Variants in SMOC1 observed in about 807,000 individuals in gnomAD.
SMOC1 encodes SPARC-related modular calcium-binding protein 1.
A neutral mutation model predicts 56.3 loss-of-function variants in SMOC1; 22 were observed. The observed-to-expected ratio is 0.39, with a 90% CI of 0.28 to 0.56. The LOEUF (loss-of-function observed/expected upper bound fraction) is 0.56, where lower values mean the gene tolerates loss of function less well. SMOC1 is among the 20% of genes least tolerant of loss of function. SMOC1 has a pLI of 0.61. For missense variants in SMOC1, 509 were observed against 565.4 expected, an observed-to-expected ratio of 0.90 and a Z score of 1.01; for synonymous variants, 193 against 215.0, an observed-to-expected ratio of 0.90 and a Z score of 0.89.
chr14:70,001,536 C>T (rs1450435913), intron 7 of SMOC1, among the ~76,000 whole-genome samples: 1 of 152,006 alleles, frequency 6.6e-6, no homozygotes. Context: ...TTTAGTTTAC[C>T]TACAGACCTA....
intron 5 of SMOC1, among the ~76,000 whole-genome samples, chr14:69,984,243 C>T (rs1884281297): frequency 6.6e-6 from 1 of 152,174 alleles, no homozygotes; most frequent in Non-Finnish European, 1.5e-5. Flanking sequence ...ACCCCAAAGC[C>T]TCAACCTAAA....
chr14:69,927,030 G>A (rs1306492453), intron 1 of SMOC1, among the ~76,000 whole-genome samples: 36 of 152,170 alleles, frequency 2.4e-4, no homozygotes, highest in Admixed American at 2.0e-3. Context: ...GTCTTCACTC[G>A]CACTTCACTT....
chr14:69,991,559 G>A (rs1884570522), intron 5 of SMOC1, among the ~76,000 whole-genome samples: 1 of 152,176 alleles, frequency 6.6e-6, no homozygotes, highest in African/African-American at 2.4e-5. Context: ...GTCCTGGAAG[G>A]TAAATAAAGT....
chr14:69,917,794 T>C (rs1190907366), intron 1 of SMOC1, among the ~76,000 whole-genome samples: 1 of 152,214 alleles, frequency 6.6e-6, no homozygotes. Flanking sequence ...ATCTTTGGTG[T>C]CTTTCCAAAG....
chr14:70,030,096 A>G (rs1050568327), intron 11 of SMOC1, 146 bp from the exon 12 acceptor site: 2 of 1,212,998 alleles, frequency 1.6e-6, no homozygotes, highest in African/African-American at 3.0e-5. Flanking sequence ...ACCTAGCCTC[A>G]TAGAGGACAG....
intron 1 of SMOC1, among the ~76,000 whole-genome samples, chr14:69,943,230 G>A (rs1012486959): frequency 9.2e-5 from 14 of 152,152 alleles, no homozygotes; most frequent in South Asian, 4.1e-4. Context: ...AGGCTCTGTC[G>A]CAGAGGTGTG....
intron 1 of SMOC1, among the ~76,000 whole-genome samples, chr14:69,903,864 AT>A (rs1884334563): frequency 6.6e-6 from 1 of 151,326 alleles, no homozygotes; most frequent in Non-Finnish European, 1.5e-5. Context: ...ACCCTGCCAA[AT>A]CCCCCTCTGC....
intron 1 of SMOC1, among the ~76,000 whole-genome samples, chr14:69,917,840 C>T (rs1210701185): frequency 6.6e-6 from 1 of 152,070 alleles, no homozygotes; most frequent in Non-Finnish European, 1.5e-5. Flanking sequence ...AGTTTCTAGT[C>T]ACATAGTGGA....
chr14:70,017,505 C>T (rs1266026000), intron 10 of SMOC1, among the ~76,000 whole-genome samples: 1 of 152,244 alleles, frequency 6.6e-6, no homozygotes, highest in Non-Finnish European at 1.5e-5. Context: ...CTGATCCCTC[C>T]TTTATCCTCT....
Position 69,927,918 on chromosome 14 carries a change from G to A in SMOC1, c.100-24220G>A, listed in dbSNP as rs374648782. Reference sequence around the variant, plus strand: ...CGAGTTCCTTTGTGTCCTGTAACTTGAAGCTAAGAGGGACCCCTTGAGGAA... The same window carrying A: ...CGAGTTCCTTTGTGTCCTGTAACTTAAAGCTAAGAGGGACCCCTTGAGGAA... On this transcript the variant is annotated intron_variant, in intron 1 of 11. Coordinates refer to ENST00000361956, the MANE Select transcript of SMOC1 (RefSeq NM_001034852.3). Among the ~76,000 whole-genome samples, 51 of 152,276 alleles carry A rather than the reference G, an allele frequency of 3.3e-4. 1 individual carries two copies. The East Asian group carries it at 5.0e-3, about 15-fold the overall frequency.
intron 1 of SMOC1, among the ~76,000 whole-genome samples, chr14:69,893,871 G>T (rs1448326879): frequency 1.3e-5 from 2 of 152,086 alleles, no homozygotes; most frequent in African/African-American, 4.8e-5. Flanking sequence ...TGTTACGGTG[G>T]GCCCTTAATC....
chr14:69,947,862 T>C (rs1159777925), intron 1 of SMOC1, among the ~76,000 whole-genome samples: 1 of 152,256 alleles, frequency 6.6e-6, no homozygotes, highest in Non-Finnish European at 1.5e-5. Flanking sequence ...AACATGTCCA[T>C]CATGGTGAGA....
In SMOC1 at chr14:69,934,304, T is replaced by A. The variant is rs556952084; in HGVS notation, c.100-17834T>A. ...TGATTGACGACTGGGGTATTGTCAT[T>A]GGCCCAGGGCTTTGACACTGAGTTA... On this transcript the variant is annotated intron_variant, in intron 1 of 11. Transcript: ENST00000361956. Among the ~76,000 whole-genome samples the A allele has an allele frequency of 4.3e-4, 65 of 152,302 alleles. No homozygotes were observed. In the South Asian group the frequency reaches 0.013, roughly 31 times the overall value.
chr14:69,948,178 C>G (rs760431456), intron 1 of SMOC1, among the ~76,000 whole-genome samples: 7 of 152,142 alleles, frequency 4.6e-5, no homozygotes, highest in Admixed American at 2.0e-4. Flanking sequence ...TTTGGGTGAT[C>G]TTATTAGGGC....
At chr14:69,975,434 C>T (rs776781184) in intron 3 of SMOC1, among the ~76,000 whole-genome samples, 7 of 152,118 alleles carry the variant, frequency 4.6e-5, no homozygotes, top group Admixed American at 6.6e-5. Flanking sequence ...TGAGAACCAT[C>T]TCAGGAAAAA....
chr14:69,886,499 AG>A (rs1883814190), intron 1 of SMOC1, among the ~76,000 whole-genome samples: 1 of 152,134 alleles, frequency 6.6e-6, no homozygotes, highest in South Asian at 2.1e-4. Flanking sequence ...TCCATTTTTG[AG>A]TTTTTGTTCT....
chr14:69,938,991 G>A (rs570348772), intron 1 of SMOC1, among the ~76,000 whole-genome samples: 3 of 152,284 alleles, frequency 2.0e-5, no homozygotes, highest in African/African-American at 7.2e-5. Flanking sequence ...TCTGATGGAA[G>A]CACACATGCC....
chr14:69,974,822 G>A (rs1434018933), intron 3 of SMOC1, among the ~76,000 whole-genome samples: 1 of 152,110 alleles, frequency 6.6e-6, no homozygotes, highest in African/African-American at 2.4e-5. Flanking sequence ...TGGTGCAGCA[G>A]GGCATCTAGA....
chr14:70,022,677 TGG>T (rs1885769700), intron 10 of SMOC1, among the ~76,000 whole-genome samples: 1 of 152,240 alleles, frequency 6.6e-6, no homozygotes, highest in African/African-American at 2.4e-5. Context: ...TTCACCTTTT[TGG>T]CTCTGTCTCA....
Sources: gnomAD v4.1 joint callset for allele counts (sites outside exome capture counted in the v4.1 genomes callset) on GRCh38, gnomAD v4.1.1 for gene constraint, MANE v1.5 for transcripts, NCBI Gene and HGNC (gene_info 2026-07-23, HGNC 2026-07-21) for gene names.